Variants in LRRC9 observed in about 807,000 individuals in gnomAD.
LRRC9 encodes leucine rich repeat containing 9.
In LRRC9, 122 loss-of-function variants were observed where a neutral mutation model predicts 63.2. The observed-to-expected ratio is 1.93, with a 90% CI of 1.67 to 2.24. The LOEUF is 2.24. LRRC9 is among the 30% of genes most tolerant of loss of function. The probability of loss-of-function intolerance (pLI) is 0.00; values close to 1 mark genes in which losing one functional copy is unlikely to be tolerated. For synonymous variants in LRRC9, 366 were observed against 213.1 expected, an observed-to-expected ratio of 1.72 and a Z score of -6.25; for missense variants, 1,071 against 627.7, an observed-to-expected ratio of 1.71 and a Z score of -7.55.
At position 59,959,819 on chromosome 14, in the gene LRRC9, T is replaced by A. The variant is rs144099820; in HGVS notation, c.884T>A (p.Leu295Ter). 61 of 608,494 alleles carry A rather than the reference T, an allele frequency of 1.0e-4. 1 individual carries two copies. The highest frequency in any genetic ancestry group is 9.4e-4 in the African/African-American group (51 of 54,000). 37.7% of individuals were successfully genotyped at this position (608,494 alleles called of 1,614,324 possible). A position where few individuals can be genotyped will look rare whatever the true frequency, so the allele number is the denominator to read the frequency against. ...TCTCTGACACATTGTTTTCCACAGT[T>A]GGAACGAGAACTGGCTGAACTCAAG... The change falls in exon 9 of 32, where the codon TTG (leucine) becomes TAG (stop). Residue 295 changes from leucine (L) to a stop codon, truncating the protein, a stop_gained and splice_region_variant. Transcript: ENST00000445360. LOFTEE classifies it high-confidence loss of function.
At chr14:60,001,623 G>T (rs1594993041) in intron 19 of LRRC9, among the ~76,000 whole-genome samples, 1 of 152,148 alleles carries the variant, frequency 6.6e-6, no homozygotes, top group East Asian at 1.9e-4. Context: ...GAAAAGGAAA[G>T]AAAAGGGCTT....
chr14:59,989,566 C>T (rs151213960), intron 17 of LRRC9, among the ~76,000 whole-genome samples: 229 of 151,956 alleles, frequency 1.5e-3, no homozygotes, highest in African/African-American at 5.1e-3. Context: ...TATTTTATGT[C>T]TCATATCATT....
At chr14:59,987,453 T>TTTTTTTTTTTTTTTTTTTTTTTTGA (rs1594948343) in intron 17 of LRRC9, among the ~76,000 whole-genome samples, 1 of 133,962 alleles carries the variant, frequency 7.5e-6, no homozygotes, top group Non-Finnish European at 1.7e-5. Flanking sequence ...TTAACTTCTT[T>TTTTTTTTTTTTTTTTTTTTTTTTGA]GTACTCTGTC....
At chr14:59,954,788 T>C (rs1050333281) in intron 8 of LRRC9, among the ~76,000 whole-genome samples, 6 of 152,222 alleles carry the variant, frequency 3.9e-5, no homozygotes, top group Non-Finnish European at 5.9e-5. Flanking sequence ...GGGTTTGTCA[T>C]AAATAGCTCT....
exon 24 of LRRC9, chr14:60,016,699 G>A (rs1212367088): frequency 8.6e-6 from 6 of 700,754 alleles, no homozygotes; most frequent in Admixed American, 4.0e-5. Context: ...TTTGTTTGGT[G>A]GTAGACTTAC....
chr14:60,042,084 T>C lies in LRRC9; in HGVS notation c.3990+10021T>C, dbSNP rs1456626650. On this transcript the variant is annotated intron_variant, in intron 29 of 31. Transcript: ENST00000445360. This position sits in a 1 kb window ranked among gnomAD's most constrained non-coding sequence, Gnocchi z 4.2. The stretch of plus-strand genomic sequence containing the variant: ...ACAGCAAAGATTGCAGAACGGCAAA[T>C]GTTGCTGCTTGATCCTTCCTCTGGA... Among the ~76,000 whole-genome samples the C allele has an allele frequency of 6.6e-6, 1 of 152,146 alleles. No homozygotes were observed. Among genetic ancestry groups the C allele is most frequent in the East Asian group, 1.9e-4 (1 of 5,182 alleles).
chr14:59,993,737 G>A (rs1888429215), intron 17 of LRRC9, among the ~76,000 whole-genome samples: 1 of 152,198 alleles, frequency 6.6e-6, no homozygotes, highest in Admixed American at 6.5e-5. Flanking sequence ...GAATGGTAAA[G>A]GGATCAATTC....
chr14:59,975,494 G>A (rs891966445), intron 13 of LRRC9, among the ~76,000 whole-genome samples: 4 of 151,830 alleles, frequency 2.6e-5, no homozygotes, highest in Non-Finnish European at 5.9e-5. Context: ...GGACACTTCT[G>A]GGAGAAACTC....
intron 17 of LRRC9, among the ~76,000 whole-genome samples, chr14:59,991,332 G>A (rs965464944): frequency 1.1e-4 from 17 of 152,108 alleles, no homozygotes; most frequent in Admixed American, 4.6e-4. Context: ...TAAATGTATC[G>A]GGGCAGAGCC....
At chr14:60,008,423 G>C (rs1268282874) in intron 23 of LRRC9, among the ~76,000 whole-genome samples, 1 of 152,112 alleles carries the variant, frequency 6.6e-6, no homozygotes, top group East Asian at 1.9e-4. Context: ...GTGGTGGAAA[G>C]GGAGGGCTGT....
chr14:59,965,447 A>G lies in LRRC9; in HGVS notation c.1212-1142A>G, dbSNP rs769341604. On this transcript the variant is annotated intron_variant, in intron 10 of 31. Coordinates refer to ENST00000445360, the Ensembl canonical transcript of LRRC9. ...TTAGAGCAGACAATGCCTCTTTCACATCCGTATTCATTGTCAGGAAGTTAT... is the reference window on the plus strand; with the variant it reads ...TTAGAGCAGACAATGCCTCTTTCACGTCCGTATTCATTGTCAGGAAGTTAT... 3.4e-4 allele frequency among the ~76,000 whole-genome samples: 52 copies of G among 152,150 alleles called. 1 individual carries two copies. Among genetic ancestry groups the G allele is most frequent in the Middle Eastern group, 6.3e-3 (2 of 316 alleles).
intron 1 of LRRC9, among the ~76,000 whole-genome samples, chr14:59,926,495 A>G (rs767289846): frequency 2.0e-5 from 3 of 152,224 alleles, no homozygotes; most frequent in African/African-American, 7.2e-5. Flanking sequence ...TATAGCATAC[A>G]TCCAGAAATC....
chr14:60,028,141 T>C, intron 28 of LRRC9, 40 bp downstream of exon 28: 1 of 664,214 alleles, frequency 1.5e-6, no homozygotes, highest in South Asian at 1.7e-5. Flanking sequence ...TTACAAGCTT[T>C]AGTTTCTCTG....
At position 59,927,419 on chromosome 14, in the gene LRRC9, A is replaced by G. The variant is rs960542008; in HGVS notation, c.-33-492A>G. Among the ~76,000 whole-genome samples the G allele has an allele frequency of 3.9e-5, 6 of 152,090 alleles. No individual in the cohort carries two copies. Among genetic ancestry groups the G allele is most frequent in the African/African-American group, 9.6e-5 (4 of 41,460 alleles). On this transcript the variant is annotated intron_variant, in intron 1 of 31. Coordinates refer to ENST00000445360, the Ensembl canonical transcript of LRRC9. The surrounding 1 kb of genome is among the most constrained non-coding windows in gnomAD (Gnocchi z 4.4). ...GGAGTATTTATTTTAATAAACACTT[A>G]TTACTATGCCAAAAATGTTGCTAAG...
At chr14:59,992,443 T>C (rs1295526478) in intron 17 of LRRC9, among the ~76,000 whole-genome samples, 1 of 152,066 alleles carries the variant, frequency 6.6e-6, no homozygotes, top group Non-Finnish European at 1.5e-5. Context: ...TCACCAGCGA[T>C]GGAACAAAGC....
chr14:60,041,250 T>A (rs550680129), intron 29 of LRRC9, among the ~76,000 whole-genome samples: 70 of 152,276 alleles, frequency 4.6e-4, no homozygotes, highest in Middle Eastern at 6.8e-3. Context: ...GAGTTGCTCT[T>A]CTTGAGGAGT....
chr14:59,967,721 G>A (rs1208608679), intron 12 of LRRC9, among the ~76,000 whole-genome samples: 1 of 152,098 alleles, frequency 6.6e-6, no homozygotes, highest in Non-Finnish European at 1.5e-5. Context: ...CCACCATCTT[G>A]ACAAGGCAGC....
intron 10 of LRRC9, among the ~76,000 whole-genome samples, chr14:59,963,961 T>C (rs1299856298): frequency 1.3e-5 from 2 of 152,208 alleles, no homozygotes; most frequent in African/African-American, 4.8e-5. Context: ...TATTGTATAT[T>C]AACAAAATGT....
intron 26 of LRRC9, among the ~76,000 whole-genome samples, chr14:60,021,065 C>T (rs952825207): frequency 1.3e-5 from 2 of 151,888 alleles, no homozygotes; most frequent in Non-Finnish European, 2.9e-5. Flanking sequence ...TAAGAAACCG[C>T]TAAACTGTTT....
Sources: gnomAD v4.1 joint callset for allele counts (sites outside exome capture counted in the v4.1 genomes callset) on GRCh38, gnomAD v4.1.1 for gene constraint, Gnocchi (gnomAD v3.1) non-coding constraint, MANE v1.5 for transcripts, NCBI Gene and HGNC (gene_info 2026-07-23, HGNC 2026-07-21) for gene names.